Variants in MANEAL observed in about 807,000 individuals in gnomAD.
MANEAL encodes glycoprotein endo-alpha-1,2-mannosidase-like protein.
In MANEAL, 28 loss-of-function variants were observed where a neutral mutation model predicts 35.9. The observed-to-expected ratio is 0.78, with a 90% CI of 0.58 to 1.07. MANEAL has a LOEUF of 1.07. MANEAL is among the 50% of genes least tolerant of loss of function. MANEAL has a pLI of 0.00. For missense variants in MANEAL, 576 were observed against 629.6 expected, an observed-to-expected ratio of 0.91 and a Z score of 0.91; for synonymous variants, 286 against 272.2, an observed-to-expected ratio of 1.05 and a Z score of -0.50.
At chr1:37,797,464 C>CTTTT (rs79029579) in intron 3 of MANEAL, among the ~76,000 whole-genome samples, 5 of 116,996 alleles carry the variant, frequency 4.3e-5, no homozygotes, top group African/African-American at 5.9e-5. Flanking sequence ...AATGCCAGTG[C>CTTTT]TTTTTTTTTT....
In MANEAL at chr1:37,794,408, C is replaced by G. The variant is rs1279670298; in HGVS notation, c.226C>G (p.Arg76Gly). ...GCCGCCCCCGCCGCCGCCGCCGCCC[C>G]GCACCGCGGACCCTGGCGGCTCCCC... Reference protein sequence around the residue: ...AAPPPPPPPPRTADPGGSPGP... With the variant: ...AAPPPPPPPPGTADPGGSPGP... The change falls in exon 1 of 4, where the codon CGC (arginine) becomes GGC (glycine). Residue 76 changes from arginine (R) to glycine (G), a missense_variant. Arg to Gly is a moderately radical substitution (Grantham distance 125). Transcript: ENST00000373045. The surrounding 1 kb of genome is among the most constrained non-coding windows in gnomAD (Gnocchi z 5.7). 1 of 1,257,610 alleles carries G rather than the reference C, an allele frequency of 8.0e-7. No individual in the cohort carries two copies. The allele number at this position is 1,257,610 out of a possible 1,614,324, so 77.9% of individuals were successfully genotyped here.
chr1:37,796,855 G>T (rs1289369090), intron 3 of MANEAL, 35 bp downstream of exon 3: 18 of 1,571,306 alleles, frequency 1.1e-5, no homozygotes, highest in Non-Finnish European at 1.6e-5. Flanking sequence ...TTTTGGTGGG[G>T]ATCAAAATGG....
rs1287351192 is a variant in MANEAL at position 37,800,078 on chromosome 1, A to G, written c.1249A>G (p.Ile417Val). 2 of 1,614,098 alleles carry G rather than the reference A, an allele frequency of 1.2e-6. No homozygotes were observed. The highest frequency in any genetic ancestry group is 2.2e-5 in the East Asian group (1 of 44,882). Residue 417 changes from isoleucine (I) to valine (V), a missense_variant, in exon 4 of 4, where the codon ATT becomes GTT. Ile to Val is a conservative substitution (Grantham distance 29). Transcript: ENST00000373045. ...WHEGTQIEKA[I>V]PKKTPTRLYL... ...CGAGGGCACCCAGATTGAGAAGGCC[A>G]TTCCCAAGAAGACACCCACCCGCCT... is the stretch of plus-strand genomic sequence containing the variant.
chr1:37,797,278 G>T (rs1646653129), intron 3 of MANEAL, among the ~76,000 whole-genome samples: 1 of 151,838 alleles, frequency 6.6e-6, no homozygotes, highest in Non-Finnish European at 1.5e-5. Flanking sequence ...GCGCACACCT[G>T]TAATCCCAGC....
Position 37,800,226 on chromosome 1 carries a change from GTGC to G in MANEAL, c.*26_*28del. On this transcript the variant is annotated 3_prime_UTR_variant, in exon 4 of 4. Transcript: ENST00000373045. ...TGAGGGGCCTGTAAATGGGCGTGAG[GTGC>G]TGATGTCCTTGCCTTGCTGGAAGAT... 7 of 1,605,448 alleles carry G rather than the reference GTGC, an allele frequency of 4.4e-6. No homozygotes were observed. Among genetic ancestry groups the G allele is most frequent in the Non-Finnish European group, 5.9e-6 (7 of 1,177,242 alleles).
intron 1 of MANEAL, 45 bp from the exon 2 acceptor site, chr1:37,795,692 G>C (rs750857600): frequency 2.5e-6 from 4 of 1,612,302 alleles, no homozygotes; most frequent in Non-Finnish European, 2.5e-6. Context: ...CTCTGTTGAG[G>C]GGGGTACTGT....
At chr1:37,796,697 C>A in intron 2 of MANEAL, 47 bp from the exon 3 acceptor site, 2 of 1,522,662 alleles carry the variant, frequency 1.3e-6, no homozygotes, top group Non-Finnish European at 9.0e-7. Flanking sequence ...TATGTTGTGG[C>A]CCCTAGATAG....
At position 37,794,468 on chromosome 1, in the gene MANEAL, G is replaced by T; in HGVS notation, c.286G>T (p.Val96Leu). ...PAPAEAEPAP[V>L]QSLRVYSDLH... is the part of the protein sequence containing the mutation. The stretch of plus-strand genomic sequence containing the variant: ...ACCCGCGGAGGCCGAGCCCGCCCCC[G>T]TGCAGAGCCTGCGCGTCTACTCGGA... Residue 96 changes from valine (V) to leucine (L), a missense_variant, in exon 1 of 4, where the codon GTG becomes TTG. Val to Leu is a conservative substitution (Grantham distance 32). Around this residue, in one of 3 missense-constraint regions of MANEAL, gnomAD observed 449 missense variants for 516.1 expected, o/e 0.87. Coordinates refer to ENST00000373045, the MANE Select transcript of MANEAL (RefSeq NM_001113482.2). This position sits in a 1 kb window ranked among gnomAD's most constrained non-coding sequence, Gnocchi z 5.7. The T allele has an allele frequency of 6.3e-7, 1 of 1,581,122 alleles. No individual in the cohort carries two copies. Among genetic ancestry groups the T allele is most frequent in the Non-Finnish European group, 8.6e-7 (1 of 1,165,438 alleles).
At position 37,794,762 on chromosome 1, in the gene MANEAL, C is replaced by T. The variant is rs760850855; in HGVS notation, c.550+30C>T. The T allele has an allele frequency of 4.9e-6, 7 of 1,424,116 alleles. No individual in the cohort carries two copies. The highest frequency in any genetic ancestry group is 6.7e-6 in the Non-Finnish European group (7 of 1,046,250). The allele number at this position is 1,424,116 out of a possible 1,614,324, so 88.2% of individuals were successfully genotyped here. On this transcript the variant is annotated intron_variant, in intron 1 of 3. Transcript: ENST00000373045. The surrounding 1 kb of genome is among the most constrained non-coding windows in gnomAD (Gnocchi z 5.7). ...GCGCCCCCCACCCCGGGCGGCCCTG[C>T]CCCCCAGCCTCACCCTTCCTCCTTC...
At chr1:37,797,429 G>T (rs999015352) in intron 3 of MANEAL, among the ~76,000 whole-genome samples, 1 of 151,220 alleles carries the variant, frequency 6.6e-6, no homozygotes, top group African/African-American at 2.4e-5. Flanking sequence ...ATTGAATGAG[G>T]CTGCGTGCAA....
chr1:37,794,846 C>G lies in MANEAL; in HGVS notation c.550+114C>G, dbSNP rs1281576803. ...CCCTTTGGTCCCACTTATCCGCCAG[C>G]CTGGCTTCTTAGCTGTTCCCTCCCA... On this transcript the variant is annotated intron_variant, in intron 1 of 3. Coordinates refer to ENST00000373045, the MANE Select transcript of MANEAL (RefSeq NM_001113482.2). The surrounding 1 kb of genome is among the most constrained non-coding windows in gnomAD (Gnocchi z 5.7). 1 of 705,278 alleles carries G rather than the reference C, an allele frequency of 1.4e-6. No individual in the cohort carries two copies. The highest frequency in any genetic ancestry group is 1.8e-5 in the African/African-American group (1 of 56,174). 43.7% of individuals were successfully genotyped at this position (705,278 alleles called of 1,614,324 possible).
Position 37,794,363 on chromosome 1 carries a change from G to GCCCC in MANEAL, c.182_185dup (p.Ala63ProfsTer136), listed in dbSNP as rs1646624601. 2 of 1,057,954 alleles carry GCCCC rather than the reference G, an allele frequency of 1.9e-6. No individual in the cohort carries two copies. Among genetic ancestry groups the GCCCC allele is most frequent in the Non-Finnish European group, 2.3e-6 (2 of 878,092 alleles). The allele number at this position is 1,057,954 out of a possible 1,614,324, so 65.5% of individuals were successfully genotyped here. A position where few individuals can be genotyped will look rare whatever the true frequency, so the allele number is the denominator to read the frequency against. The stretch of plus-strand genomic sequence containing the variant: ...GGGGGCCCCCGCGCCCGCTGCCAGG[G>GCCCC]CCCCGGCAGCCCCTGCCGCGCCGCC... On this transcript the variant is annotated frameshift_variant, in exon 1 of 4. Coordinates refer to ENST00000373045, the MANE Select transcript of MANEAL (RefSeq NM_001113482.2). LOFTEE classifies it high-confidence loss of function. This position sits in a 1 kb window ranked among gnomAD's most constrained non-coding sequence, Gnocchi z 5.7.
Position 37,794,647 on chromosome 1 carries a change from C to A in MANEAL, c.465C>A (p.Ser155Arg). The A allele has an allele frequency of 6.2e-7, 1 of 1,610,680 alleles. No homozygotes were observed. Among genetic ancestry groups the A allele is most frequent in the African/African-American group, 1.3e-5 (1 of 75,010 alleles). Reference sequence around the variant, plus strand: ...GCCCCCCAGACGACTTGGGCTCCAGCTTCTACCCGGAGCTGGGGCCCTACA... The same window carrying A: ...GCCCCCCAGACGACTTGGGCTCCAGATTCTACCCGGAGCTGGGGCCCTACA... ...RHSPPDDLGS[S>R]FYPELGPYSS... is the part of the protein sequence containing the mutation. The change falls in exon 1 of 4, where the codon AGC becomes AGA. Residue 155 changes from serine to arginine, a missense_variant. Ser to Arg is a moderately radical substitution (Grantham distance 110, BLOSUM62 -1). Coordinates refer to ENST00000373045, the MANE Select transcript of MANEAL (RefSeq NM_001113482.2). The surrounding 1 kb of genome is among the most constrained non-coding windows in gnomAD (Gnocchi z 5.7).
At chr1:37,795,369 T>C (rs757501951) in intron 1 of MANEAL, 1 of 423,370 alleles carries the variant, frequency 2.4e-6, no homozygotes, top group Non-Finnish European at 3.4e-6. Flanking sequence ...TGCTCAGGGC[T>C]CTTCTCCATG....
intron 3 of MANEAL, among the ~76,000 whole-genome samples, chr1:37,798,876 T>C (rs1646669891): frequency 6.6e-6 from 1 of 151,826 alleles, no homozygotes; most frequent in Admixed American, 6.6e-5. Flanking sequence ...CCATCTCTAC[T>C]AAAAATACAA....
intron 3 of MANEAL, among the ~76,000 whole-genome samples, chr1:37,797,464 C>CTTTTTTTTTTTTTTTTTTTT (rs79029579): frequency 8.5e-6 from 1 of 116,996 alleles, no homozygotes. Context: ...AATGCCAGTG[C>CTTTTTTTTTTTTTTTTTTTT]TTTTTTTTTT....
chr1:37,794,730 T>A lies in MANEAL; in HGVS notation c.548T>A (p.Ile183Asn). 1 of 1,555,904 alleles carries A rather than the reference T, an allele frequency of 6.4e-7. No individual in the cohort carries two copies. Among genetic ancestry groups the A allele is most frequent in the Non-Finnish European group, 8.7e-7 (1 of 1,151,588 alleles). ...ATGACCCAGCTCAAGGAAGCCGCCA[T>A]CGGTGAGCGCCCCCCACCCCGGGCG... Reference protein sequence around the residue: ...EHMTQLKEAAIGVLVLSWYPP... With the variant: ...EHMTQLKEAANGVLVLSWYPP... The change falls in exon 1 of 4, where the codon ATC becomes AAC. Residue 183 changes from isoleucine (I) to asparagine (N), a missense_variant and splice_region_variant. By Grantham distance (149) the Ile-to-Asn change is moderately radical. Around this residue, in one of 3 missense-constraint regions of MANEAL, gnomAD observed 449 missense variants for 516.1 expected, o/e 0.87. Coordinates refer to ENST00000373045, the MANE Select transcript of MANEAL (RefSeq NM_001113482.2). The surrounding 1 kb of genome is among the most constrained non-coding windows in gnomAD (Gnocchi z 5.7).
At chr1:37,795,995 T>G (rs528192772) in intron 2 of MANEAL, 149 bp downstream of exon 2, 1 of 649,672 alleles carries the variant, frequency 1.5e-6, no homozygotes, top group South Asian at 2.0e-5. Context: ...GGGGGAGGGT[T>G]CAGATAAATG....
At position 37,794,140 on chromosome 1, in the gene MANEAL, C is replaced by T; in HGVS notation, c.-43C>T. On this transcript the variant is annotated 5_prime_UTR_variant, in exon 1 of 4. It adds an upstream start codon to the 5' untranslated region. Transcript: ENST00000373045. The surrounding 1 kb of genome is among the most constrained non-coding windows in gnomAD (Gnocchi z 5.7). Reference sequence around the variant, plus strand: ...CCGGGCGGGCGGCCATGGCGCGGCACGCTGGGAGGTAGCGCGGCGGCTGCA... The same window carrying T: ...CCGGGCGGGCGGCCATGGCGCGGCATGCTGGGAGGTAGCGCGGCGGCTGCA... The T allele has an allele frequency of 8.9e-7, 1 of 1,121,622 alleles. No homozygotes were observed. The allele number at this position is 1,121,622 out of a possible 1,614,324, so 69.5% of individuals were successfully genotyped here. A position where few individuals can be genotyped will look rare whatever the true frequency, so the allele number is the denominator to read the frequency against.
Sources: allele counts gnomAD v4.1 joint callset (sites outside exome capture counted in the v4.1 genomes callset), GRCh38; gene constraint gnomAD v4.1.1; regional missense constraint gnomAD v4.1.1; non-coding constraint Gnocchi (gnomAD v3.1); transcripts MANE v1.5; gene names NCBI Gene and HGNC (gene_info 2026-07-23, HGNC 2026-07-21).